Variants in SPNS3 observed in about 807,000 individuals in gnomAD.
SPNS3 encodes the protein SPNS lysolipid transporter 3, sphingosine-1-phosphate (putative).
In SPNS3, 51 loss-of-function variants were observed where a neutral mutation model predicts 54.4. The ratio of observed to expected loss-of-function variants is 0.94; its 90% CI spans 0.75 to 1.18. SPNS3 has a LOEUF of 1.18. Ranked by LOEUF, SPNS3 falls within the 50% of genes most tolerant of loss-of-function variation. SPNS3 has a pLI of 0.00. For missense variants in SPNS3, 669 were observed against 677.4 expected (o/e 0.99, Z 0.14); for synonymous variants, 309 against 294.7 (o/e 1.05, Z -0.50).
intron 8 of SPNS3, among the ~76,000 whole-genome samples, chr17:4,465,783 A>T (rs1234859802): frequency 6.6e-6 from 1 of 152,234 alleles, no homozygotes; most frequent in Non-Finnish European, 1.5e-5. Flanking sequence ...ATCTGAAAGA[A>T]CTTGTGGAAC....
In SPNS3 at chr17:4,445,048, G is replaced by C; in HGVS notation, c.282G>C (p.Leu94=). ...GLLQTVFVSC[L]LLSAPVFGYL... Reference sequence around the variant, plus strand: ...CTCCTTCAGTCTTCGTTAGCTGCCTGCTGCTGTCTGCACCTGTGTTTGGCT... The same window carrying C: ...CTCCTTCAGTCTTCGTTAGCTGCCTCCTGCTGTCTGCACCTGTGTTTGGCT... The change falls in exon 3 of 12, where the codon CTG becomes CTC. Residue 94 remains leucine, a synonymous_variant. Transcript: ENST00000355530. 6.2e-7 allele frequency: 1 copy of C among 1,614,002 alleles called. No individual in the cohort carries two copies. Among genetic ancestry groups the C allele is most frequent in the Non-Finnish European group, 8.5e-7 (1 of 1,179,912 alleles).
At chr17:4,470,523 TCAC>T (rs926795153) in intron 8 of SPNS3, among the ~76,000 whole-genome samples, 6 of 152,158 alleles carry the variant, frequency 3.9e-5, no homozygotes, top group African/African-American at 1.2e-4. Context: ...TCTACAACCA[TCAC>T]CACATCAGTT....
intron 8 of SPNS3, among the ~76,000 whole-genome samples, chr17:4,474,157 G>A (rs957867851): frequency 1.3e-5 from 2 of 152,216 alleles, no homozygotes; most frequent in Non-Finnish European, 2.9e-5. Context: ...AATTGTCTGG[G>A]AGGACGCAAA....
chr17:4,477,713 C>T (rs113615473), intron 8 of SPNS3, among the ~76,000 whole-genome samples: 1,735 of 152,222 alleles, frequency 0.011, 10 homozygotes, highest in Middle Eastern at 0.02. Flanking sequence ...AGACAAGCCC[C>T]GTCCTCGACC....
chr17:4,487,648 C>T (rs530936431), intron 11 of SPNS3, among the ~76,000 whole-genome samples, 158 bp from the exon 12 acceptor site: 9 of 152,358 alleles, frequency 5.9e-5, no homozygotes, highest in South Asian at 4.1e-4. Flanking sequence ...GCCTAGACCA[C>T]GCCAGTGGCA....
Position 4,486,342 on chromosome 17 carries a change from G to C in SPNS3, c.1278+16G>C. 1.9e-6 allele frequency: 3 copies of C among 1,598,520 alleles called. No homozygotes were observed. In the South Asian group the frequency reaches 3.4e-5, roughly 18 times the overall value. On this transcript the variant is annotated intron_variant, in intron 10 of 11. Coordinates refer to ENST00000355530, the MANE Select transcript of SPNS3 (RefSeq NM_182538.5). The surrounding 1 kb of genome is among the most constrained non-coding windows in gnomAD (Gnocchi z 5.5). ...CACAGGACTTGTAAGACGTGTCTGC[G>C]TGTGTGGGGTGGGGAGGGTCTGGGG...
Position 4,444,995 on chromosome 17 carries a change from T to TG in SPNS3, c.266-31dup, listed in dbSNP as rs777238310. ...TGGGCCATCTGCCCTGCCACGGTCG[T>TG]GGGGGGATCCAGGCTGCCCCTGTGT... On this transcript the variant is annotated intron_variant, in intron 2 of 11. Transcript: ENST00000355530. 46 of 1,600,528 alleles carry TG rather than the reference T, an allele frequency of 2.9e-5. No individual in the cohort carries two copies. In the East Asian group the frequency reaches 9.2e-4, roughly 32 times the overall value.
At chr17:4,455,334 C>A (rs1004420849) in intron 8 of SPNS3, among the ~76,000 whole-genome samples, 1 of 152,210 alleles carries the variant, frequency 6.6e-6, no homozygotes, top group Non-Finnish European at 1.5e-5. Context: ...CCTCCCCTTG[C>A]GATTCTGTCC....
At chr17:4,480,994 G>T (rs1262824920) in intron 9 of SPNS3, among the ~76,000 whole-genome samples, 1 of 152,176 alleles carries the variant, frequency 6.6e-6, no homozygotes, top group Admixed American at 6.5e-5. Flanking sequence ...GGCAGGTGGT[G>T]GGGGAGCCGT....
At chr17:4,466,076 C>G (rs1293225468) in intron 8 of SPNS3, among the ~76,000 whole-genome samples, 2 of 152,186 alleles carry the variant, frequency 1.3e-5, no homozygotes, top group Non-Finnish European at 2.9e-5. Context: ...AAGCCTATGG[C>G]CATGGCCAGG....
rs540319952 is a variant in SPNS3 at position 4,478,444 on chromosome 17, C to T, written c.1114-128C>T. On this transcript the variant is annotated intron_variant, in intron 8 of 11. Transcript: ENST00000355530. ...AATAGTTCTAGGCCTTCCTCGCTCACTCCAATAAGTCTCAATAATGCCTTT... is the reference window on the plus strand; with the variant it reads ...AATAGTTCTAGGCCTTCCTCGCTCATTCCAATAAGTCTCAATAATGCCTTT... The T allele has an allele frequency of 1.3e-4, 109 of 817,236 alleles. 2 individuals are homozygous for T. The South Asian group carries it at 1.5e-3, about 12-fold the overall frequency. The allele number at this position is 817,236 out of a possible 1,614,324, so 50.6% of individuals were successfully genotyped here. A position where few individuals can be genotyped will look rare whatever the true frequency, so the allele number is the denominator to read the frequency against.
At chr17:4,451,408 C>T (rs960858136) in intron 7 of SPNS3, among the ~76,000 whole-genome samples, 3 of 151,748 alleles carry the variant, frequency 2.0e-5, no homozygotes, top group Non-Finnish European at 2.9e-5. Context: ...CACACCACCA[C>T]GCCCAGCTAA....
chr17:4,445,255 G>A (rs1225477979), intron 3 of SPNS3, 87 bp downstream of exon 3: 38 of 1,383,532 alleles, frequency 2.7e-5, no homozygotes, highest in Non-Finnish European at 3.7e-5. Context: ...GCTGCGTGGG[G>A]ACAATTCTGC....
chr17:4,475,461 A>G (rs1242645798), intron 8 of SPNS3, among the ~76,000 whole-genome samples: 2 of 152,310 alleles, frequency 1.3e-5, no homozygotes, highest in Admixed American at 1.3e-4. Flanking sequence ...TGCAAAACGG[A>G]CAGAAATCAG....
chr17:4,454,600 C>T lies in SPNS3; in HGVS notation c.1113+1395C>T, dbSNP rs1971253892. Reference sequence around the variant, plus strand: ...AATCAAAACAACTTTAGCCCTGCTTCCAAATAAAGCTTTTTTTTTTTTTTT... The same window carrying T: ...AATCAAAACAACTTTAGCCCTGCTTTCAAATAAAGCTTTTTTTTTTTTTTT... On this transcript the variant is annotated intron_variant, in intron 8 of 11. Coordinates refer to ENST00000355530, the MANE Select transcript of SPNS3 (RefSeq NM_182538.5). Among the ~76,000 whole-genome samples, 3 of 146,862 alleles carry T rather than the reference C, an allele frequency of 2.0e-5. No homozygotes were observed. In the South Asian group the frequency reaches 6.5e-4, roughly 32 times the overall value.
intron 8 of SPNS3, among the ~76,000 whole-genome samples, chr17:4,468,604 G>T (rs923295016): frequency 1.3e-5 from 2 of 151,762 alleles, no homozygotes; most frequent in African/African-American, 4.8e-5. Context: ...CTGAGGGAGG[G>T]GCAGGGGTTT....
intron 8 of SPNS3, among the ~76,000 whole-genome samples, chr17:4,473,739 A>T (rs954097960): frequency 1.3e-5 from 2 of 152,040 alleles, no homozygotes; most frequent in Non-Finnish European, 2.9e-5. Context: ...GAGGCCTGAT[A>T]ACTGCCCATC....
chr17:4,471,036 T>C (rs1971841133), intron 8 of SPNS3, among the ~76,000 whole-genome samples: 1 of 152,204 alleles, frequency 6.6e-6, no homozygotes, highest in Non-Finnish European at 1.5e-5. Flanking sequence ...ACAATTCTCC[T>C]GCCTCAGCCT....
At chr17:4,466,387 A>T (rs1971676535) in intron 8 of SPNS3, among the ~76,000 whole-genome samples, 1 of 151,582 alleles carries the variant, frequency 6.6e-6, no homozygotes, top group Admixed American at 6.6e-5. Flanking sequence ...TAAAAATACA[A>T]AACTTAGCCG....
Sources: allele counts gnomAD v4.1 joint callset (sites outside exome capture counted in the v4.1 genomes callset), GRCh38; gene constraint gnomAD v4.1.1; non-coding constraint Gnocchi (gnomAD v3.1); transcripts MANE v1.5; gene names NCBI Gene and HGNC (gene_info 2026-07-23, HGNC 2026-07-21).